Variants in NOX3 observed in about 807,000 individuals in gnomAD.
The protein encoded by NOX3 is NADPH oxidase catalytic subunit-like 3.
A neutral mutation model predicts 76.7 loss-of-function variants in NOX3; 74 were observed. The observed-to-expected ratio is 0.96, with a 90% CI of 0.80 to 1.17. The LOEUF is 1.17. Ranked by LOEUF, NOX3 falls within the 50% of genes most tolerant of loss-of-function variation. The probability of loss-of-function intolerance (pLI) is 0.00; values close to 1 mark genes in which losing one functional copy is unlikely to be tolerated. For synonymous variants in NOX3, 263 were observed against 261.1 expected (o/e 1.01, Z -0.07); for missense variants, 695 against 703.3 (o/e 0.99, Z 0.13).
chr6:155,454,112 G>A (rs1264055761), intron 3 of NOX3, among the ~76,000 whole-genome samples: 1 of 152,158 alleles, frequency 6.6e-6, no homozygotes, highest in African/African-American at 2.4e-5. Context: ...AAAAGACACA[G>A]AGACACAAAG....
In NOX3 at chr6:155,440,015, G is replaced by T. The variant is rs28477446; in HGVS notation, c.609C>A (p.Phe203Leu). 3.1e-6 allele frequency: 5 copies of T among 1,613,918 alleles called. No homozygotes were observed. The highest frequency in any genetic ancestry group is 4.2e-6 in the Non-Finnish European group (5 of 1,179,992). Residue 203 changes from phenylalanine (F) to leucine (L), a missense_variant, in exon 6 of 14, where the codon TTC becomes TTA. By Grantham distance (22) the Phe-to-Leu change is conservative. Transcript: ENST00000159060. ...EFIRQASYEL[F>L]WYTHHVFIVF... ...CGATGAAAACATGGTGTGTGTACCA[G>T]AACAACTCATAGGAGGCCTGTCTGA... is the stretch of plus-strand genomic sequence containing the variant.
intron 9 of NOX3, among the ~76,000 whole-genome samples, chr6:155,424,673 A>G (rs1776734401): frequency 6.6e-6 from 1 of 152,226 alleles, no homozygotes; most frequent in East Asian, 1.9e-4. Flanking sequence ...TTTATTACAT[A>G]TTGATATATG....
In NOX3 at chr6:155,436,422, G is replaced by A; in HGVS notation, c.794C>T (p.Pro265Leu). The A allele has an allele frequency of 6.2e-7, 1 of 1,614,022 alleles. No individual in the cohort carries two copies. ...CPVPQFSGKE[P>L]SAWKWILGPV... ...AGCTCCTGGGTTCATTCTTACCGAG[G>A]GTTCCTTGCCAGAAAATTGAGGCAC... The change falls in exon 7 of 14, where the codon CCC (proline) becomes CTC (leucine). Residue 265 changes from proline (P) to leucine (L), a missense_variant. Coordinates refer to ENST00000159060, the MANE Select transcript of NOX3 (RefSeq NM_015718.3).
At chr6:155,401,041 C>T (rs55781833) in intron 12 of NOX3, among the ~76,000 whole-genome samples, 2,208 of 152,248 alleles carry the variant, frequency 0.015, 53 homozygotes, top group African/African-American at 0.05. Flanking sequence ...CAACCCTTCC[C>T]CACCCCAATA....
At chr6:155,454,670 G>A (rs1377133454) in intron 3 of NOX3, 141 bp downstream of exon 3, 2 of 587,834 alleles carry the variant, frequency 3.4e-6, no homozygotes, top group African/African-American at 3.8e-5. Context: ...TTCTGTCTTA[G>A]CCTTTCTGTT....
intron 12 of NOX3, among the ~76,000 whole-genome samples, chr6:155,401,062 A>G (rs1779219109): frequency 1.3e-5 from 2 of 152,332 alleles, no homozygotes; most frequent in South Asian, 4.1e-4. Flanking sequence ...AAACAGTAAC[A>G]TATATATGCC....
chr6:155,447,148 C>T (rs1323355327), intron 4 of NOX3, among the ~76,000 whole-genome samples: 4 of 151,642 alleles, frequency 2.6e-5, no homozygotes, highest in African/African-American at 9.7e-5. Context: ...CGGGTTCAAG[C>T]AATTCTTCTG....
chr6:155,409,039 G>C (rs1284768608), intron 11 of NOX3, among the ~76,000 whole-genome samples: 1 of 152,120 alleles, frequency 6.6e-6, no homozygotes, highest in Non-Finnish European at 1.5e-5. Flanking sequence ...AACCCCACCA[G>C]TATGCGCTAT....
intron 6 of NOX3, among the ~76,000 whole-genome samples, chr6:155,439,634 C>G (rs946326789): frequency 6.6e-6 from 1 of 152,136 alleles, no homozygotes; most frequent in African/African-American, 2.4e-5. Flanking sequence ...TGAGTAATCT[C>G]ACATAAATTG....
chr6:155,413,014 T>G (rs1776574428), intron 10 of NOX3, among the ~76,000 whole-genome samples: 1 of 152,242 alleles, frequency 6.6e-6, no homozygotes, highest in Non-Finnish European at 1.5e-5. Context: ...GGGGGCTCAA[T>G]GAGCCCTCTC....
intron 7 of NOX3, among the ~76,000 whole-genome samples, chr6:155,433,032 T>C (rs903086675): frequency 1.3e-5 from 2 of 152,220 alleles, no homozygotes; most frequent in African/African-American, 4.8e-5. Context: ...TCAGTCTTCA[T>C]ATATTTTTAC....
At chr6:155,404,799 A>G (rs1284390436) in intron 12 of NOX3, among the ~76,000 whole-genome samples, 1 of 152,140 alleles carries the variant, frequency 6.6e-6, no homozygotes, top group Non-Finnish European at 1.5e-5. Flanking sequence ...GGGGTCTCAC[A>G]GAGCACAGGG....
In NOX3 at chr6:155,455,041, A is replaced by G. The variant is rs1453412338; in HGVS notation, c.137T>C (p.Ile46Thr). Residue 46 changes from isoleucine (I) to threonine (T), a missense_variant, in exon 2 of 14, where the codon ATT becomes ACT. Ile to Thr is a moderately conservative substitution (Grantham distance 89). Transcript: ENST00000159060. ...EEESFHYTRV[I>T]LGSTLAWARA... ...ATCATAAACTGTACTTACACCCAAA[A>G]TAACTCGTGTGTAATGGAAAGACTC... is the stretch of plus-strand genomic sequence containing the variant. 2.5e-6 allele frequency: 4 copies of G among 1,608,382 alleles called. No individual in the cohort carries two copies. The African/African-American group carries it at 4.0e-5, about 16-fold the overall frequency.
intron 4 of NOX3, among the ~76,000 whole-genome samples, chr6:155,452,328 G>A (rs550374475): frequency 1.3e-5 from 2 of 152,212 alleles, no homozygotes; most frequent in African/African-American, 2.4e-5. Flanking sequence ...TGGTGCCTAC[G>A]CATACTCAGC....
At chr6:155,423,414 T>C (rs1183242867) in intron 9 of NOX3, among the ~76,000 whole-genome samples, 1 of 152,256 alleles carries the variant, frequency 6.6e-6, no homozygotes, top group East Asian at 1.9e-4. Flanking sequence ...GTGGAACTTC[T>C]AAAACCCATT....
chr6:155,446,421 A>G (rs1231906277), intron 4 of NOX3, among the ~76,000 whole-genome samples: 1 of 152,224 alleles, frequency 6.6e-6, no homozygotes, highest in Non-Finnish European at 1.5e-5. Context: ...TTGAATATTT[A>G]CTATACAACA....
chr6:155,455,099 A>G lies in NOX3; in HGVS notation c.79T>C (p.Phe27Leu). The part of the protein sequence containing the change: ...LSWLGINFYL[F>L]IDTFYWYEEE... ...TCATACCAGTAGAACGTGTCAATAAACAGATAAAAATTTATTCCCAGCCAT... is the reference window on the plus strand; with the variant it reads ...TCATACCAGTAGAACGTGTCAATAAGCAGATAAAAATTTATTCCCAGCCAT... Residue 27 changes from phenylalanine (F) to leucine (L), a missense_variant, in exon 2 of 14, where the codon TTT becomes CTT. Coordinates refer to ENST00000159060, the MANE Select transcript of NOX3 (RefSeq NM_015718.3). The G allele has an allele frequency of 6.2e-7, 1 of 1,613,090 alleles. No individual in the cohort carries two copies. The highest frequency in any genetic ancestry group is 1.1e-5 in the South Asian group (1 of 90,890).
chr6:155,451,635 T>C (rs2114710854), intron 4 of NOX3, among the ~76,000 whole-genome samples: 1 of 152,314 alleles, frequency 6.6e-6, no homozygotes, highest in South Asian at 2.1e-4. Flanking sequence ...GTATTTTTTT[T>C]TCTTTTTGAG....
At position 155,428,789 on chromosome 6, in the gene NOX3, C is replaced by A; in HGVS notation, c.1145+5G>T. The A allele has an allele frequency of 6.8e-7, 1 of 1,479,886 alleles. No individual in the cohort carries two copies. The highest frequency in any genetic ancestry group is 9.0e-7 in the Non-Finnish European group (1 of 1,111,244). 91.7% of individuals were successfully genotyped at this position (1,479,886 alleles called of 1,614,324 possible). On this transcript the variant is annotated splice_donor_5th_base_variant and intron_variant, in intron 9 of 13. Coordinates refer to ENST00000159060, the MANE Select transcript of NOX3 (RefSeq NM_015718.3). Reference sequence around the variant, plus strand: ...AATTTATACATGAGAGAAATGGGCACGAACCTTGGCAGGCTCCAGGGCTCC... The same window carrying A: ...AATTTATACATGAGAGAAATGGGCAAGAACCTTGGCAGGCTCCAGGGCTCC...
Sources: allele counts gnomAD v4.1 joint callset (sites outside exome capture counted in the v4.1 genomes callset), GRCh38; gene constraint gnomAD v4.1.1; transcripts MANE v1.5; gene names NCBI Gene and HGNC (gene_info 2026-07-23, HGNC 2026-07-21).